The following NRXN3 variants were observed in gnomAD, a reference collection of about 807,000 sequenced individuals.
NRXN3 encodes neurexin III.
Under a neutral mutation model 137.6 loss-of-function variants are expected in NRXN3, and 32 were observed. The ratio of observed to expected loss-of-function variants is 0.23; its 90% CI spans 0.18 to 0.31. The LOEUF (loss-of-function observed/expected upper bound fraction) is 0.31, where lower values mean the gene tolerates loss of function less well. Among genes scored for constraint, NRXN3 ranks in the 10% least tolerant of loss-of-function variants. The pLI is 1.00. For synonymous variants in NRXN3, 798 were observed against 784.5 expected (o/e 1.02, Z -0.29); for missense variants, 1,574 against 2,062.5 (o/e 0.76, Z 4.59).
At chr14:78,870,357 A>G (rs1405020561) in intron 10 of NRXN3, among the ~76,000 whole-genome samples, 3 of 152,176 alleles carry the variant, frequency 2.0e-5, no homozygotes, top group Non-Finnish European at 4.4e-5. Flanking sequence ...CATCCTTTGT[A>G]ATCTATAAGT....
chr14:78,972,440 G>A (rs1429075181), intron 14 of NRXN3, among the ~76,000 whole-genome samples: 2 of 152,108 alleles, frequency 1.3e-5, no homozygotes, highest in Admixed American at 6.6e-5. Flanking sequence ...TTTGCAAGAG[G>A]GCACAAGGGG....
At chr14:78,400,166 T>C (rs750602603) in intron 4 of NRXN3, among the ~76,000 whole-genome samples, 8 of 152,210 alleles carry the variant, frequency 5.3e-5, no homozygotes, top group Non-Finnish European at 8.8e-5. Flanking sequence ...TATTCCCCTT[T>C]AAGAGAAATT....
intron 10 of NRXN3, among the ~76,000 whole-genome samples, chr14:78,866,468 C>T (rs2099086968): frequency 6.6e-6 from 1 of 152,068 alleles, no homozygotes; most frequent in South Asian, 2.1e-4. Context: ...TATCTTTAAC[C>T]CACCAATGAC....
intron 15 of NRXN3, among the ~76,000 whole-genome samples, chr14:79,278,864 G>T (rs2080754480): frequency 6.6e-6 from 1 of 152,216 alleles, no homozygotes; most frequent in Non-Finnish European, 1.5e-5. Context: ...CACGCGCCTG[G>T]AGAGTGGTCG....
chr14:78,434,514 A>G (rs887051902), intron 4 of NRXN3, among the ~76,000 whole-genome samples: 7 of 152,210 alleles, frequency 4.6e-5, no homozygotes, highest in African/African-American at 1.4e-4. Context: ...TTAGGACTTC[A>G]GCATATGAAT....
At position 78,385,580 on chromosome 14, in the gene NRXN3, CCAGGGA is replaced by C. The variant is rs145403557; in HGVS notation, c.757+87724_757+87729del. Among the ~76,000 whole-genome samples, 1,379 of 152,192 alleles carry C rather than the reference CCAGGGA, an allele frequency of 9.1e-3. 8 individuals carry two copies. Among genetic ancestry groups the C allele is most frequent in the Middle Eastern group, 0.014 (4 of 294 alleles). ...CTTATGATGAATGTGCCTTATTTCT[CCAGGGA>C]CAGAAGGCCAGTGATTGGGAAATAT... On this transcript the variant is annotated intron_variant, in intron 4 of 20. Transcript: ENST00000335750.
At chr14:78,769,018 G>A (rs2098718280) in intron 8 of NRXN3, among the ~76,000 whole-genome samples, 1 of 152,080 alleles carries the variant, frequency 6.6e-6, no homozygotes, top group Non-Finnish European at 1.5e-5. Context: ...CTGGGGGTAG[G>A]GTTTAAAGTT....
intron 10 of NRXN3, among the ~76,000 whole-genome samples, chr14:78,956,624 G>T (rs116387039): frequency 0.02 from 3,005 of 152,228 alleles, 106 homozygotes; most frequent in African/African-American, 0.069. Context: ...AATTCTGGGG[G>T]CCCTCACATT....
chr14:79,057,364 A>C (rs1388053416), intron 15 of NRXN3, among the ~76,000 whole-genome samples: 1 of 152,218 alleles, frequency 6.6e-6, no homozygotes, highest in Non-Finnish European at 1.5e-5. Context: ...TTTCTGTGTG[A>C]TAGTGCTTTC....
At chr14:78,628,770 C>T (rs546064815) in intron 4 of NRXN3, among the ~76,000 whole-genome samples, 3 of 152,268 alleles carry the variant, frequency 2.0e-5, no homozygotes, top group East Asian at 3.9e-4. Flanking sequence ...GGAGAACCCT[C>T]GGGAAAGAAC....
chr14:79,352,686 C>T (rs1342837447), intron 15 of NRXN3, among the ~76,000 whole-genome samples: 1 of 152,066 alleles, frequency 6.6e-6, no homozygotes, highest in Non-Finnish European at 1.5e-5. Context: ...ATAATAATAA[C>T]AGCTAAGATA....
chr14:78,660,839 A>C (rs1164210584), intron 6 of NRXN3, among the ~76,000 whole-genome samples: 3 of 152,166 alleles, frequency 2.0e-5, no homozygotes, highest in African/African-American at 7.2e-5. Context: ...AGAATTCCTC[A>C]TGTTCCTATT....
intron 10 of NRXN3, among the ~76,000 whole-genome samples, chr14:78,919,519 A>G (rs2099265369): frequency 6.6e-6 from 1 of 152,216 alleles, no homozygotes; most frequent in Non-Finnish European, 1.5e-5. Context: ...GGGATAAAAC[A>G]ACCCCTATGA....
chr14:78,916,376 C>T (rs1235208873), intron 10 of NRXN3, among the ~76,000 whole-genome samples: 4 of 152,110 alleles, frequency 2.6e-5, no homozygotes, highest in East Asian at 1.9e-4. Flanking sequence ...ACAGTTAATG[C>T]AGAGTTTTGG....
chr14:78,586,163 T>A (rs1412888461), intron 4 of NRXN3, among the ~76,000 whole-genome samples: 1 of 152,214 alleles, frequency 6.6e-6, no homozygotes, highest in African/African-American at 2.4e-5. Flanking sequence ...ACAGGAGAGC[T>A]GAGTAGTTGT....
chr14:79,553,546 C>A (rs533871348), intron 16 of NRXN3, among the ~76,000 whole-genome samples: 1 of 152,244 alleles, frequency 6.6e-6, no homozygotes, highest in Admixed American at 6.5e-5. Flanking sequence ...GAGATAACTA[C>A]ATGCACGCAC....
At chr14:79,823,707 A>C (rs1214743835) in intron 20 of NRXN3, among the ~76,000 whole-genome samples, 1 of 152,248 alleles carries the variant, frequency 6.6e-6, no homozygotes, top group Non-Finnish European at 1.5e-5. Flanking sequence ...GAAATGTTTT[A>C]ATATTTAGAT....
At chr14:79,188,864 A>G (rs540531799) in intron 15 of NRXN3, among the ~76,000 whole-genome samples, 6 of 152,274 alleles carry the variant, frequency 3.9e-5, no homozygotes, top group East Asian at 1.9e-4. Flanking sequence ...TTAGAATGGC[A>G]ATCATTAAAA....
At chr14:79,665,767 C>T (rs891536714) in intron 17 of NRXN3, among the ~76,000 whole-genome samples, 2 of 152,122 alleles carry the variant, frequency 1.3e-5, no homozygotes, top group Non-Finnish European at 2.9e-5. Context: ...GTAACCAAAC[C>T]GGAGATTCTT....
Sources: gnomAD v4.1 joint callset for allele counts (sites outside exome capture counted in the v4.1 genomes callset) on GRCh38, gnomAD v4.1.1 for gene constraint, MANE v1.5 for transcripts, NCBI Gene and HGNC (gene_info 2026-07-23, HGNC 2026-07-21) for gene names.